HECA: variants seen among roughly 807,000 people sequenced by gnomAD.
The protein encoded by HECA is headcase protein homolog.
A neutral mutation model predicts 37.6 loss-of-function variants in HECA; 13 were observed. That is an observed-to-expected ratio of 0.35 (90% confidence interval 0.23 to 0.55). The LOEUF (loss-of-function observed/expected upper bound fraction) is 0.55, where lower values mean the gene tolerates loss of function less well. Ranked by LOEUF, HECA falls within the 20% of genes least tolerant of loss-of-function variation. The probability of loss-of-function intolerance (pLI) is 0.90; values close to 1 mark genes in which losing one functional copy is unlikely to be tolerated. For missense variants in HECA, 527 were observed against 701.9 expected, an observed-to-expected ratio of 0.75 and a Z score of 2.82; for synonymous variants, 307 against 291.5, an observed-to-expected ratio of 1.05 and a Z score of -0.54.
chr6:139,135,533 C>T lies in HECA; in HGVS notation c.137C>T (p.Ala46Val). The change falls in exon 1 of 4, where the codon GCG becomes GTG. Residue 46 changes from alanine (A) to valine (V), a missense_variant. Physicochemically the swap from Ala to Val is moderately conservative, Grantham distance 64 (BLOSUM62 0). Transcript: ENST00000367658. ...GCGGCGGCCGGGGGGGCCCTGGCGG[C>T]GGCGGCCGGTTGCGGGGCGGCGGCG... The part of the protein sequence containing the change: ...AGAAAGGALA[A>V]AAGCGAAAAG... 1 of 983,442 alleles carries T rather than the reference C, an allele frequency of 1.0e-6. No homozygotes were observed. The highest frequency in any genetic ancestry group is 1.2e-6 in the Non-Finnish European group (1 of 830,416). The allele number at this position is 983,442 out of a possible 1,614,324, so 60.9% of individuals were successfully genotyped here.
intron 1 of HECA, among the ~76,000 whole-genome samples, chr6:139,148,735 C>G (rs1204341028): frequency 6.6e-6 from 1 of 151,962 alleles, no homozygotes; most frequent in African/African-American, 2.4e-5. Flanking sequence ...CTCTAAACTC[C>G]AGCCTGGGCA....
chr6:139,173,817 C>G (rs1316028609), intron 2 of HECA, among the ~76,000 whole-genome samples: 1 of 152,108 alleles, frequency 6.6e-6, no homozygotes, highest in Non-Finnish European at 1.5e-5. Flanking sequence ...TAAAAAATTA[C>G]GAGTAAGATA....
At chr6:139,139,200 A>G (rs1351855496) in intron 1 of HECA, among the ~76,000 whole-genome samples, 2 of 152,174 alleles carry the variant, frequency 1.3e-5, no homozygotes, top group Non-Finnish European at 2.9e-5. Context: ...GTTCGTTTGC[A>G]TAGAGATTGG....
intron 1 of HECA, chr6:139,153,156 T>C (rs772599872): frequency 6.6e-6 from 1 of 152,230 alleles, no homozygotes; most frequent in Non-Finnish European, 1.5e-5. Flanking sequence ...TGAATGTGTG[T>C]ATGATGTGAT....
rs1010368410 is a variant in HECA, at chr6:139,172,077, C to T, written c.1313-2308C>T. 2.6e-5 allele frequency among the ~76,000 whole-genome samples: 4 copies of T among 152,232 alleles called. No homozygotes were observed. In the East Asian group the frequency reaches 5.8e-4, roughly 22 times the overall value. On this transcript the variant is annotated intron_variant, in intron 2 of 3. Transcript: ENST00000367658. ...AACTCCTAACCTCTGGTGATCTACC[C>T]GCCTTGGCCTCCCAAAGTGCTGGGA...
Position 139,148,878 on chromosome 6 carries a change from C to T in HECA, c.271+13211C>T, listed in dbSNP as rs1366311645. ...CTGAGCTCCAGTGCTCAATACCCGTCTCTTCTTGCACATTTCTAAAATCCC... is the reference window on the plus strand; with the variant it reads ...CTGAGCTCCAGTGCTCAATACCCGTTTCTTCTTGCACATTTCTAAAATCCC... On this transcript the variant is annotated intron_variant, in intron 1 of 3. Coordinates refer to ENST00000367658, the MANE Select transcript of HECA (RefSeq NM_016217.3). 2.0e-5 allele frequency among the ~76,000 whole-genome samples: 3 copies of T among 152,096 alleles called. No homozygotes were observed. The East Asian group carries it at 5.8e-4, about 29-fold the overall frequency.
Position 139,176,875 on chromosome 6 carries a change from T to G in HECA, c.1468-66T>G, listed in dbSNP as rs1582952560. Reference sequence around the variant, plus strand: ...TGATCAGTTTCCCAGCATTTTGGTTTGGATGACTTTGACAAGTGTTGGGAA... The same window carrying G: ...TGATCAGTTTCCCAGCATTTTGGTTGGGATGACTTTGACAAGTGTTGGGAA... On this transcript the variant is annotated intron_variant, in intron 3 of 3. Transcript: ENST00000367658. The surrounding 1 kb of genome is among the most constrained non-coding windows in gnomAD (Gnocchi z 4.5). The G allele has an allele frequency of 1.6e-5, 13 of 799,242 alleles. No individual in the cohort carries two copies. Among genetic ancestry groups the G allele is most frequent in the Admixed American group, 1.3e-4 (7 of 53,386 alleles). 49.5% of individuals were successfully genotyped at this position (799,242 alleles called of 1,614,324 possible).
intron 1 of HECA, 69 bp downstream of exon 1, chr6:139,135,736 G>A: frequency 1.5e-6 from 1 of 674,194 alleles, no homozygotes; most frequent in Non-Finnish European, 1.8e-6. Context: ...GCGGGGCCCT[G>A]GGTGGCGCGG....
intron 1 of HECA, chr6:139,166,076 T>C: frequency 2.0e-6 from 1 of 500,762 alleles, no homozygotes; most frequent in Non-Finnish European, 3.5e-6. Context: ...GAAGGTCCTT[T>C]TTAGAGATTC....
Position 139,176,935 on chromosome 6 carries a change from C to A in HECA, c.1468-6C>A. The A allele has an allele frequency of 1.2e-6, 1 of 868,818 alleles. No homozygotes were observed. Among genetic ancestry groups the A allele is most frequent in the Non-Finnish European group, 2.0e-6 (1 of 498,702 alleles). 53.8% of individuals were successfully genotyped at this position (868,818 alleles called of 1,614,324 possible). A position where few individuals can be genotyped will look rare whatever the true frequency, so the allele number is the denominator to read the frequency against. On this transcript the variant is annotated splice_region_variant and splice_polypyrimidine_tract_variant and intron_variant, in intron 3 of 3. Transcript: ENST00000367658. This position sits in a 1 kb window ranked among gnomAD's most constrained non-coding sequence, Gnocchi z 4.5. Reference sequence around the variant, plus strand: ...TGTTGTGGCTGATGGTGTCTGTTTCCCCCAGGCCCGCCTGAACTGTAAGCA... The same window carrying A: ...TGTTGTGGCTGATGGTGTCTGTTTCACCCAGGCCCGCCTGAACTGTAAGCA...
In HECA at chr6:139,167,323, A is replaced by G; in HGVS notation, c.1311A>G (p.Gln437=). 1 of 1,581,146 alleles carries G rather than the reference A, an allele frequency of 6.3e-7. No homozygotes were observed. Among genetic ancestry groups the G allele is most frequent in the Non-Finnish European group, 8.7e-7 (1 of 1,154,718 alleles). ...EIEYDVPCHL[Q]GRLMHLYAVC... The stretch of plus-strand genomic sequence containing the variant: ...AATATGATGTTCCTTGTCACCTTCA[A>G]GGTATAGGTGTTAATTCACCTTGCC... The change falls in exon 2 of 4, where the codon CAA becomes CAG. Residue 437 remains glutamine (Q), a splice_region_variant and synonymous_variant. Transcript: ENST00000367658.
intron 1 of HECA, among the ~76,000 whole-genome samples, chr6:139,140,466 G>A (rs935671299): frequency 2.6e-5 from 4 of 152,208 alleles, no homozygotes; most frequent in African/African-American, 9.6e-5. Flanking sequence ...GTGTATTAAA[G>A]TGAAGAGCTC....
chr6:139,135,383 CGCGA>C lies in HECA; in HGVS notation c.-4_-1del. 2.9e-6 allele frequency: 4 copies of C among 1,363,132 alleles called. No individual in the cohort carries two copies. The highest frequency in any genetic ancestry group is 1.9e-6 in the Non-Finnish European group (2 of 1,034,678). 84.4% of individuals were successfully genotyped at this position (1,363,132 alleles called of 1,614,324 possible). On this transcript the variant is annotated 5_prime_UTR_variant, in exon 1 of 4. Transcript: ENST00000367658. The stretch of plus-strand genomic sequence containing the variant: ...CGCTGACGCCGGGCACCTACCTGGA[CGCGA>C]GCGAGCGAGATGCCCAACCCCAAAA...
intron 1 of HECA, among the ~76,000 whole-genome samples, chr6:139,147,548 C>G (rs762848011): frequency 5.9e-5 from 9 of 151,996 alleles, no homozygotes; most frequent in Non-Finnish European, 1.2e-4. Context: ...TCGCTTGAGC[C>G]CAGGAGGAAA....
At chr6:139,136,267 T>TAAAA (rs71674341) in intron 1 of HECA, among the ~76,000 whole-genome samples, 2 of 132,040 alleles carry the variant, frequency 1.5e-5, no homozygotes, top group Non-Finnish European at 3.2e-5. Flanking sequence ...AGCCCGGAGT[T>TAAAA]AAAAAAAAAA....
chr6:139,157,358 A>T (rs1774731731), intron 1 of HECA, among the ~76,000 whole-genome samples: 1 of 152,212 alleles, frequency 6.6e-6, no homozygotes, highest in African/African-American at 2.4e-5. Flanking sequence ...CTATCTGGGA[A>T]TGCAGCCCAG....
chr6:139,140,337 C>T (rs963353004), intron 1 of HECA, among the ~76,000 whole-genome samples: 2 of 152,188 alleles, frequency 1.3e-5, no homozygotes, highest in African/African-American at 4.8e-5. Flanking sequence ...ATCTAGAAGT[C>T]AGTTTTTTGG....
chr6:139,141,111 T>C lies in HECA; in HGVS notation c.271+5444T>C, dbSNP rs1386684827. Among the ~76,000 whole-genome samples the C allele has an allele frequency of 2.0e-5, 3 of 152,228 alleles. No homozygotes were observed. The East Asian group carries it at 5.8e-4, about 29-fold the overall frequency. Reference sequence around the variant, plus strand: ...GGCCCTCTTTGGCATTTTTAAGGGCTTTATTTATTTGAAAATATTGTGTTA... The same window carrying C: ...GGCCCTCTTTGGCATTTTTAAGGGCCTTATTTATTTGAAAATATTGTGTTA... On this transcript the variant is annotated intron_variant, in intron 1 of 3. Transcript: ENST00000367658.
intron 2 of HECA, among the ~76,000 whole-genome samples, chr6:139,167,547 G>C (rs1774909072): frequency 6.6e-6 from 1 of 152,274 alleles, no homozygotes; most frequent in East Asian, 1.9e-4. Context: ...AATTTTGTGT[G>C]TTCTGTAATT....
Sources: gnomAD v4.1 joint callset for allele counts (sites outside exome capture counted in the v4.1 genomes callset) on GRCh38, gnomAD v4.1.1 for gene constraint, Gnocchi (gnomAD v3.1) non-coding constraint, MANE v1.5 for transcripts, NCBI Gene and HGNC (gene_info 2026-07-23, HGNC 2026-07-21) for gene names.